Variants in PGBD2 observed in about 807,000 individuals in gnomAD.
PGBD2 encodes the protein piggyBac transposable element derived 2.
Under a neutral mutation model 8.1 loss-of-function variants are expected in PGBD2, and 6 were observed. That is an observed-to-expected ratio of 0.74 (90% CI 0.40 to 1.46). The LOEUF is 1.46. PGBD2 is among the 40% of genes most tolerant of loss of function. The pLI, the probability that PGBD2 is intolerant of heterozygous loss-of-function variation, is 0.02. For synonymous variants in PGBD2, 318 were observed against 272.2 expected, an observed-to-expected ratio of 1.17 and a Z score of -1.66; for missense variants, 802 against 739.0, an observed-to-expected ratio of 1.09 and a Z score of -0.99.
At chr1:248,874,893 T>G in the PGBD2 span, among the ~76,000 whole-genome samples, 1 of 148,386 alleles carries the variant, frequency 6.7e-6, no homozygotes, top group South Asian at 2.2e-4. Context: ...GGTAGATAGA[T>G]AGGTAGATAG....
the PGBD2 span, among the ~76,000 whole-genome samples, chr1:248,929,011 T>A: frequency 6.6e-6 from 1 of 152,248 alleles, no homozygotes; most frequent in Non-Finnish European, 1.5e-5. Flanking sequence ...TTGTGAGATC[T>A]CCTTCAAATG....
the PGBD2 span, among the ~76,000 whole-genome samples, chr1:248,880,624 T>C: frequency 6.6e-6 from 1 of 152,232 alleles, no homozygotes; most frequent in Non-Finnish European, 1.5e-5. Flanking sequence ...TGTCCATATG[T>C]GAAGTCTTGG....
rs952281007 is a variant in PGBD2 at position 248,918,441 on chromosome 1, T to A, written c.*78T>A. 2.8e-6 allele frequency: 4 copies of A among 1,421,008 alleles called. No individual in the cohort carries two copies. Among genetic ancestry groups the A allele is most frequent in the Non-Finnish European group, 2.8e-6 (3 of 1,062,034 alleles). The allele number at this position is 1,421,008 out of a possible 1,614,324, so 88.0% of individuals were successfully genotyped here. On this transcript the variant is annotated 3_prime_UTR_variant, in exon 3 of 3. Coordinates refer to ENST00000329291, the MANE Select transcript of PGBD2 (RefSeq NM_170725.3). ...AGATGGCAGTTGAGCACTTCTGTTTTGTGTTGGAAAAAAGACCTGAATTTC... is the reference window on the plus strand; with the variant it reads ...AGATGGCAGTTGAGCACTTCTGTTTAGTGTTGGAAAAAAGACCTGAATTTC...
upstream of PGBD2, among the ~76,000 whole-genome samples, chr1:248,905,967 C>T (rs1170479302): frequency 1.3e-5 from 2 of 152,176 alleles, no homozygotes; most frequent in African/African-American, 4.8e-5. Flanking sequence ...GAACCACTAC[C>T]CTAGAAAGTC....
intron 1 of PGBD2, among the ~76,000 whole-genome samples, chr1:248,911,650 G>T (rs1661884933): frequency 6.7e-6 from 1 of 148,574 alleles, no homozygotes; most frequent in Non-Finnish European, 1.5e-5. Flanking sequence ...CCCAGACGGG[G>T]CGGCTGGCCG....
chr1:248,908,657 C>G (rs1205292972), intron 1 of PGBD2, among the ~76,000 whole-genome samples: 1 of 151,304 alleles, frequency 6.6e-6, no homozygotes, highest in East Asian at 1.9e-4. Context: ...TTAACATACA[C>G]CCTTCCTTCT....
chr1:248,918,401 T>C lies in PGBD2; in HGVS notation c.*38T>C. 1 of 1,511,306 alleles carries C rather than the reference T, an allele frequency of 6.6e-7. No homozygotes were observed. Among genetic ancestry groups the C allele is most frequent in the South Asian group, 1.3e-5 (1 of 74,824 alleles). 93.6% of individuals were successfully genotyped at this position (1,511,306 alleles called of 1,614,324 possible). A position where few individuals can be genotyped will look rare whatever the true frequency, so the allele number is the denominator to read the frequency against. On this transcript the variant is annotated 3_prime_UTR_variant, in exon 3 of 3. Coordinates refer to ENST00000329291, the MANE Select transcript of PGBD2 (RefSeq NM_170725.3). ...TGCTTCTTTGGTTTATAATGAGATG[T>C]TTACAGTTAAATACAGATGGCAGTT...
intron 1 of PGBD2, among the ~76,000 whole-genome samples, chr1:248,910,821 A>G (rs900261646): frequency 2.6e-5 from 4 of 152,172 alleles, no homozygotes; most frequent in African/African-American, 7.2e-5. Flanking sequence ...CACAAGCCAT[A>G]GAGGAATTTG....
chr1:248,910,907 T>A (rs551443764), intron 1 of PGBD2, among the ~76,000 whole-genome samples: 50 of 152,128 alleles, frequency 3.3e-4, no homozygotes, highest in African/African-American at 1.1e-3. Context: ...ATATTCGAAG[T>A]GTGTAATTTG....
the PGBD2 span, among the ~76,000 whole-genome samples, chr1:248,878,249 G>C: frequency 2.6e-5 from 4 of 151,522 alleles, no homozygotes; most frequent in South Asian, 2.1e-4. Context: ...GCGCAATCTC[G>C]GCTCACTGCA....
chr1:248,916,589 C>G lies in PGBD2; in HGVS notation c.18-13C>G. 6.2e-7 allele frequency: 1 copy of G among 1,610,950 alleles called. No homozygotes were observed. Among genetic ancestry groups the G allele is most frequent in the South Asian group, 1.1e-5 (1 of 90,890 alleles). On this transcript the variant is annotated splice_polypyrimidine_tract_variant and intron_variant, in intron 2 of 2. Coordinates refer to ENST00000329291, the MANE Select transcript of PGBD2 (RefSeq NM_170725.3). ...GCATGGCCTCTTCCTGATTCTGTTTCCTGTCATAACAGAGATGTCATTGCT... is the reference window on the plus strand; with the variant it reads ...GCATGGCCTCTTCCTGATTCTGTTTGCTGTCATAACAGAGATGTCATTGCT...
chr1:248,923,080 C>G (rs190067890), downstream of PGBD2, among the ~76,000 whole-genome samples: 1 of 152,188 alleles, frequency 6.6e-6, no homozygotes. Flanking sequence ...GTGAATCCAT[C>G]TGGTCCTGGA....
Position 248,917,725 on chromosome 1 carries a change from C to T in PGBD2, c.1141C>T (p.Arg381Ter), listed in dbSNP as rs1032398469. 3.7e-6 allele frequency: 6 copies of T among 1,613,950 alleles called. No individual in the cohort carries two copies. The highest frequency in any genetic ancestry group is 2.7e-5 in the African/African-American group (2 of 74,864). ...TGTVREYRTE[R>*]CPLKDPKELK... is the part of the protein sequence containing the mutation. ...AACTGTTCGTGAGTACAGGACTGAG[C>T]GATGTCCCCTAAAAGACCCCAAAGA... Residue 381 changes from arginine (R) to a stop codon, truncating the protein, a stop_gained, in exon 3 of 3, where the codon CGA becomes TGA. Coordinates refer to ENST00000329291, the MANE Select transcript of PGBD2 (RefSeq NM_170725.3). LOFTEE classifies it low-confidence loss of function (END_TRUNC).
the PGBD2 span, among the ~76,000 whole-genome samples, chr1:248,889,253 T>C: frequency 2.0e-5 from 3 of 151,284 alleles, no homozygotes; most frequent in South Asian, 6.3e-4. Context: ...GATGTGGTGG[T>C]GCGTGCCTGT....
the PGBD2 span, among the ~76,000 whole-genome samples, chr1:248,883,584 C>CTTTTTTTTTTTT: frequency 0.011 from 988 of 89,110 alleles, 6 homozygotes; most frequent in African/African-American, 0.028. Context: ...TTTTTTTTTT[C>CTTTTTTTTTTTT]TTTTTTTTTT....
the PGBD2 span, among the ~76,000 whole-genome samples, chr1:248,883,652 A>G: frequency 1.5e-5 from 2 of 131,344 alleles, no homozygotes; most frequent in African/African-American, 3.0e-5. Context: ...GCTGGAGTGC[A>G]GTGGCACGAT....
In PGBD2 at chr1:248,911,432, G is replaced by A. The variant is rs573612063; in HGVS notation, c.-47-2384G>A. ...CATGTTTCAGAGAGCACAGGGTTGG[G>A]GGTAAGGTCACAGATCAACAGGATC... On this transcript the variant is annotated intron_variant, in intron 1 of 2. Coordinates refer to ENST00000329291, the MANE Select transcript of PGBD2 (RefSeq NM_170725.3). Among the ~76,000 whole-genome samples the A allele has an allele frequency of 1.2e-3, 184 of 149,244 alleles. 9 individuals are homozygous for A. The highest frequency in any genetic ancestry group is 4.6e-3 in the African/African-American group (180 of 38,854).
chr1:248,889,329 G>C, the PGBD2 span, among the ~76,000 whole-genome samples: 1 of 151,378 alleles, frequency 6.6e-6, no homozygotes, highest in Non-Finnish European at 1.5e-5. Flanking sequence ...AGATTGCAGT[G>C]AGCCAAGATC....
downstream of PGBD2, among the ~76,000 whole-genome samples, chr1:248,923,099 G>C (rs999744910): frequency 3.3e-4 from 50 of 152,154 alleles, no homozygotes; most frequent in African/African-American, 1.1e-3. Context: ...GACTTTTTTT[G>C]GTTGGTAGGC....
Sources: gnomAD v4.1 joint callset for allele counts (sites outside exome capture counted in the v4.1 genomes callset) on GRCh38, gnomAD v4.1.1 for gene constraint, MANE v1.5 for transcripts, NCBI Gene and HGNC (gene_info 2026-07-23, HGNC 2026-07-21) for gene names.